The following FAM219B variants were observed in gnomAD, a reference collection of about 807,000 sequenced individuals.
FAM219B encodes the protein family with sequence similarity 219 member B, also known as protein FAM219B.
In FAM219B, 18 loss-of-function variants were observed where a neutral mutation model predicts 19.9. The ratio of observed to expected loss-of-function variants is 0.91; its 90% CI spans 0.63 to 1.34. The LOEUF is 1.34. Among genes scored for constraint, FAM219B ranks in the 40% most tolerant of loss-of-function variants. The probability of loss-of-function intolerance (pLI) is 0.00; values close to 1 mark genes in which losing one functional copy is unlikely to be tolerated. For synonymous variants in FAM219B, 123 were observed against 117.5 expected, an observed-to-expected ratio of 1.05 and a Z score of -0.30; for missense variants, 283 against 270.5, an observed-to-expected ratio of 1.05 and a Z score of -0.32.
chr15:74,904,240 G>C (rs1419109323), intron 4 of FAM219B, among the ~76,000 whole-genome samples: 1 of 152,306 alleles, frequency 6.6e-6, no homozygotes. Context: ...CAAACACTTA[G>C]CTGGGATCTA....
In FAM219B at chr15:74,906,671, G is replaced by A; in HGVS notation, c.130C>T (p.Arg44Cys). 1.3e-6 allele frequency: 2 copies of A among 1,506,830 alleles called. No individual in the cohort carries two copies. Among genetic ancestry groups the A allele is most frequent in the East Asian group, 2.4e-5 (1 of 41,836 alleles). The allele number at this position is 1,506,830 out of a possible 1,614,324, so 93.3% of individuals were successfully genotyped here. A position where few individuals can be genotyped will look rare whatever the true frequency, so the allele number is the denominator to read the frequency against. Residue 44 changes from arginine (R) to cysteine (C), a missense_variant, in exon 1 of 5, where the codon CGT (arginine) becomes TGT (cysteine). Coordinates refer to ENST00000357635, the MANE Select transcript of FAM219B (RefSeq NM_020447.5). ...PSGQIGNRALRLGERTPAAVE... is the reference protein window; with the variant it reads ...PSGQIGNRALCLGERTPAAVE... ...GCCGCGGGGGTGCGCTCCCCCAGACGGAGGGCTCTATTACCGATCTGCCCG... is the reference window on the plus strand; with the variant it reads ...GCCGCGGGGGTGCGCTCCCCCAGACAGAGGGCTCTATTACCGATCTGCCCG...
chr15:74,905,961 C>T, intron 2 of FAM219B: 1 of 309,220 alleles, frequency 3.2e-6, no homozygotes, highest in Non-Finnish European at 6.0e-6. Flanking sequence ...ACAGGTCTAG[C>T]CATTCCCACA....
intron 4 of FAM219B, among the ~76,000 whole-genome samples, chr15:74,904,318 G>A (rs1367762278): frequency 1.3e-5 from 2 of 151,800 alleles, no homozygotes; most frequent in Non-Finnish European, 2.9e-5. Flanking sequence ...TTTAGAGACA[G>A]GGTCTTGCTA....
intron 4 of FAM219B, 81 bp from the exon 5 acceptor site, chr15:74,902,867 G>A (rs910237917): frequency 1.2e-5 from 18 of 1,491,418 alleles, no homozygotes; most frequent in Admixed American, 4.0e-5. Context: ...ACCACATTCC[G>A]TTACCAGGGC....
chr15:74,903,600 C>CAAAAAA (rs60354993), intron 4 of FAM219B, among the ~76,000 whole-genome samples: 585 of 44,402 alleles, frequency 0.013, no homozygotes, highest in Middle Eastern at 0.025. Context: ...GACTCTGTCT[C>CAAAAAA]AAAAAAAAAA....
chr15:74,905,070 A>G, intron 3 of FAM219B, 84 bp downstream of exon 3: 1 of 1,601,476 alleles, frequency 6.2e-7, no homozygotes, highest in Non-Finnish European at 8.5e-7. Context: ...CTTGGAGGAG[A>G]CAGGGAACAA....
At chr15:74,905,312 G>T in intron 2 of FAM219B, 81 bp from the exon 3 acceptor site, 1 of 1,385,186 alleles carries the variant, frequency 7.2e-7, no homozygotes, top group Non-Finnish European at 1.0e-6. Flanking sequence ...TCCTCGCCCT[G>T]AAGGAGAAAG....
rs2064905969 is a variant in FAM219B at position 74,900,405 on chromosome 15, G to A, written c.*2214C>T. 6.6e-6 allele frequency: 1 copy of A among 152,206 alleles called. No homozygotes were observed. Among genetic ancestry groups the A allele is most frequent in the Non-Finnish European group, 1.5e-5 (1 of 68,108 alleles). 9.4% of individuals were successfully genotyped at this position (152,206 alleles called of 1,614,324 possible). On this transcript the variant is annotated 3_prime_UTR_variant, in exon 5 of 5. Transcript: ENST00000357635. ...ACGATGCAGAGGGCCTTGGTTTTGG[G>A]GTCCTGCCACCCTCACCCCTAGAAG...
intron 2 of FAM219B, 72 bp from the exon 3 acceptor site, chr15:74,905,303 C>G: frequency 6.8e-7 from 1 of 1,479,240 alleles, no homozygotes; most frequent in Non-Finnish European, 9.4e-7. Context: ...TAGGCAGAGT[C>G]CTCGCCCTGA....
At chr15:74,903,418 G>T (rs1445775755) in intron 4 of FAM219B, among the ~76,000 whole-genome samples, 1 of 151,954 alleles carries the variant, frequency 6.6e-6, no homozygotes, top group African/African-American at 2.4e-5. Context: ...GGCTAACATG[G>T]TGAAACCCCA....
Position 74,902,695 on chromosome 15 carries a change from G to A in FAM219B, c.521C>T (p.Pro174Leu), listed in dbSNP as rs535513975. ...PDDEDLDLIP[P>L]KPMASSTCSC... ...GCATGTTGAAGAGGCCATGGGCTTAGGGGGGATGAGGTCCAAGTCCTCGTC... is the reference window on the plus strand; with the variant it reads ...GCATGTTGAAGAGGCCATGGGCTTAAGGGGGATGAGGTCCAAGTCCTCGTC... Residue 174 changes from proline to leucine, a missense_variant, in exon 5 of 5, where the codon CCT (proline) becomes CTT (leucine). Coordinates refer to ENST00000357635, the MANE Select transcript of FAM219B (RefSeq NM_020447.5). The A allele has an allele frequency of 3.1e-6, 5 of 1,613,164 alleles. No individual in the cohort carries two copies. The South Asian group carries it at 4.4e-5, about 14-fold the overall frequency.
At chr15:74,898,559 A>T (rs2064858356), downstream of FAM219B, 3 of 148,726 alleles carry the variant, frequency 2.0e-5, no homozygotes. Flanking sequence ...TTTTTTTGAG[A>T]CGGAGTCTCG....
chr15:74,900,416 C>T lies in FAM219B; in HGVS notation c.*2203G>A, dbSNP rs2064906453. On this transcript the variant is annotated 3_prime_UTR_variant, in exon 5 of 5. Coordinates refer to ENST00000357635, the MANE Select transcript of FAM219B (RefSeq NM_020447.5). ...GGCCTTGGTTTTGGGGTCCTGCCAC[C>T]CTCACCCCTAGAAGCTGCTAAACAC... is the stretch of plus-strand genomic sequence containing the variant. 1 of 152,226 alleles carries T rather than the reference C, an allele frequency of 6.6e-6. No individual in the cohort carries two copies. Among genetic ancestry groups the T allele is most frequent in the South Asian group, 2.1e-4 (1 of 4,828 alleles). The allele number at this position is 152,226 out of a possible 1,614,324, so 9.4% of individuals were successfully genotyped here. A position where few individuals can be genotyped will look rare whatever the true frequency, so the allele number is the denominator to read the frequency against.
chr15:74,906,797 C>T lies in FAM219B; in HGVS notation c.4G>A (p.Ala2Thr), dbSNP rs751965690. The T allele has an allele frequency of 1.6e-5, 20 of 1,283,074 alleles. No individual in the cohort carries two copies. The highest frequency in any genetic ancestry group is 2.0e-5 in the Non-Finnish European group (20 of 1,016,576). The allele number at this position is 1,283,074 out of a possible 1,614,324, so 79.5% of individuals were successfully genotyped here. A position where few individuals can be genotyped will look rare whatever the true frequency, so the allele number is the denominator to read the frequency against. M[A>T]TAEPSGRALR... ...GCGCGCCCGCTGGGCTCCGCGGTCG[C>T]CATGGCCGGGCCCCGCCCTGCCGGA... Residue 2 changes from alanine (A) to threonine (T), a missense_variant, in exon 1 of 5, where the codon GCG becomes ACG. By Grantham distance (58) the Ala-to-Thr change is moderately conservative (BLOSUM62 0). Coordinates refer to ENST00000357635, the MANE Select transcript of FAM219B (RefSeq NM_020447.5).
chr15:74,902,817 C>G, intron 4 of FAM219B, 31 bp from the exon 5 acceptor site: 1 of 1,581,546 alleles, frequency 6.3e-7, no homozygotes, highest in African/African-American at 1.4e-5. Flanking sequence ...AACTATAGGC[C>G]AAGATGCAAA....
Position 74,902,069 on chromosome 15 carries a change from G to A in FAM219B, c.*550C>T. The A allele has an allele frequency of 2.5e-6, 1 of 398,650 alleles. No individual in the cohort carries two copies. Among genetic ancestry groups the A allele is most frequent in the Non-Finnish European group, 4.4e-6 (1 of 226,068 alleles). The allele number at this position is 398,650 out of a possible 1,614,324, so 24.7% of individuals were successfully genotyped here. ...CATAGTTAGACAGGTGCAACCTGAA[G>A]AGGGACAAAAGGACTCACTTTATGC... On this transcript the variant is annotated 3_prime_UTR_variant, in exon 5 of 5. Coordinates refer to ENST00000357635, the MANE Select transcript of FAM219B (RefSeq NM_020447.5).
chr15:74,906,085 C>G, intron 2 of FAM219B, 193 bp downstream of exon 2: 1 of 619,516 alleles, frequency 1.6e-6, no homozygotes, highest in South Asian at 2.0e-5. Context: ...TTCCGAAGCC[C>G]TTTATCTGAT....
chr15:74,906,577 CCACACT>C lies in FAM219B; in HGVS notation c.214+4_214+9del. 6.7e-7 allele frequency: 1 copy of C among 1,500,980 alleles called. No individual in the cohort carries two copies. Among genetic ancestry groups the C allele is most frequent in the Non-Finnish European group, 8.9e-7 (1 of 1,126,340 alleles). 93.0% of individuals were successfully genotyped at this position (1,500,980 alleles called of 1,614,324 possible). On this transcript the variant is annotated splice_donor_5th_base_variant and intron_variant, in intron 1 of 4. Coordinates refer to ENST00000357635, the MANE Select transcript of FAM219B (RefSeq NM_020447.5). The stretch of plus-strand genomic sequence containing the variant: ...GGAGAAACCTCCCCCGACCATCGGG[CCACACT>C]CACGCAGCTTGGCTTGAATGGAGGG...
intron 1 of FAM219B, 50 bp downstream of exon 1, chr15:74,906,537 C>A (rs375121033): frequency 1.4e-6 from 2 of 1,463,196 alleles, no homozygotes; most frequent in Admixed American, 2.7e-5. Flanking sequence ...CCTGGGGACG[C>A]GGCCGCCCGC....
Sources: allele counts gnomAD v4.1 joint callset (sites outside exome capture counted in the v4.1 genomes callset), GRCh38; gene constraint gnomAD v4.1.1; transcripts MANE v1.5; gene names NCBI Gene and HGNC (gene_info 2026-07-23, HGNC 2026-07-21).